The following CNBD1 variants were observed in gnomAD, a reference collection of about 807,000 sequenced individuals.
CNBD1 encodes cyclic nucleotide-binding domain-containing protein 1.
A neutral mutation model predicts 54.4 loss-of-function variants in CNBD1; 71 were observed. The observed-to-expected ratio is 1.30, with a 90% CI of 1.08 to 1.59. The LOEUF is 1.59. Ranked by LOEUF, CNBD1 falls within the 40% of genes most tolerant of loss-of-function variation. The pLI is 0.00. For missense variants in CNBD1, 659 were observed against 518.0 expected, an observed-to-expected ratio of 1.27 and a Z score of -2.64; for synonymous variants, 182 against 170.7, an observed-to-expected ratio of 1.07 and a Z score of -0.51.
At chr8:86,895,607 C>A (rs904949675) in intron 2 of CNBD1, among the ~76,000 whole-genome samples, 4 of 152,156 alleles carry the variant, frequency 2.6e-5, no homozygotes, top group Non-Finnish European at 5.9e-5. Flanking sequence ...ACCTCATCAT[C>A]ATTTGTGTTG....
rs138874555 is a variant in CNBD1 at position 87,079,763 on chromosome 8, C to T, written c.432-126230C>T. ...ATGTATTGCAAATATTTTTCCAATT[C>T]TGTGGCTTGCATTTTAATTTTTTAA... On this transcript the variant is annotated intron_variant, in intron 4 of 10. Coordinates refer to ENST00000518476, the MANE Select transcript of CNBD1 (RefSeq NM_173538.3). Among the ~76,000 whole-genome samples, 632 of 152,096 alleles carry T rather than the reference C, an allele frequency of 4.2e-3. 2 individuals are homozygous for T. The highest frequency in any genetic ancestry group is 0.014 in the African/African-American group (597 of 41,500).
At chr8:86,989,175 G>T (rs564331769) in intron 4 of CNBD1, among the ~76,000 whole-genome samples, 2 of 152,230 alleles carry the variant, frequency 1.3e-5, no homozygotes, top group South Asian at 4.1e-4. Context: ...AGGAAGCTGA[G>T]GTGAGAGGAT....
At chr8:87,155,495 A>G (rs867198685) in intron 4 of CNBD1, among the ~76,000 whole-genome samples, 4 of 152,322 alleles carry the variant, frequency 2.6e-5, no homozygotes, top group Middle Eastern at 6.8e-3. Context: ...TCATTGGAGA[A>G]GGGGATGAAT....
chr8:87,377,886 C>T (rs959373200), intron 10 of CNBD1, among the ~76,000 whole-genome samples: 1 of 151,364 alleles, frequency 6.6e-6, no homozygotes, highest in Non-Finnish European at 1.5e-5. Flanking sequence ...TTTCGATTTG[C>T]ATTTCTCTGA....
At chr8:87,414,282 A>G (rs1807800654) in intron 2 of CNBD1, among the ~76,000 whole-genome samples, 1 of 152,114 alleles carries the variant, frequency 6.6e-6, no homozygotes. Context: ...ACAAAAAACC[A>G]AACACCACAT....
chr8:87,127,584 T>C (rs1040792938), intron 4 of CNBD1, among the ~76,000 whole-genome samples: 2 of 152,146 alleles, frequency 1.3e-5, no homozygotes, highest in Non-Finnish European at 2.9e-5. Context: ...CCATGGACAA[T>C]TATGTTGTCT....
At chr8:87,185,770 C>A (rs1813462244) in intron 4 of CNBD1, among the ~76,000 whole-genome samples, 1 of 150,570 alleles carries the variant, frequency 6.6e-6, no homozygotes, top group Non-Finnish European at 1.5e-5. Flanking sequence ...TCAACAGATT[C>A]TTTTTGAAAA....
intron 2 of CNBD1, among the ~76,000 whole-genome samples, chr8:86,900,577 T>G (rs2131803564): frequency 6.6e-6 from 1 of 152,312 alleles, no homozygotes; most frequent in South Asian, 2.1e-4. Context: ...ATTAACATTT[T>G]TACTTGCCTA....
intron 6 of CNBD1, among the ~76,000 whole-genome samples, chr8:87,268,773 G>A (rs1442188937): frequency 1.3e-5 from 2 of 151,816 alleles, no homozygotes; most frequent in African/African-American, 4.8e-5. Flanking sequence ...TTTTTAATGG[G>A]GTTTTTGCAT....
intron 8 of CNBD1, among the ~76,000 whole-genome samples, chr8:87,293,952 C>T (rs989536583): frequency 6.6e-6 from 1 of 152,196 alleles, no homozygotes; most frequent in Non-Finnish European, 1.5e-5. Flanking sequence ...ATCAGTCAGA[C>T]TTTCTGTAGT....
intron 4 of CNBD1, among the ~76,000 whole-genome samples, chr8:87,039,003 G>C (rs1810006789): frequency 6.6e-6 from 1 of 152,160 alleles, no homozygotes; most frequent in African/African-American, 2.4e-5. Flanking sequence ...ACTATAGGCT[G>C]TTAGCAGAAC....
At chr8:87,040,502 C>G (rs1810044689) in intron 4 of CNBD1, among the ~76,000 whole-genome samples, 1 of 148,136 alleles carries the variant, frequency 6.8e-6, no homozygotes, top group Non-Finnish European at 1.5e-5. Context: ...TGGCTCACTA[C>G]AAGCTCCGCC....
rs1178214720 is a variant in CNBD1, at chr8:87,130,776, C to CAA, written c.432-75201_432-75200dup. Among the ~76,000 whole-genome samples, 352 of 99,390 alleles carry CAA rather than the reference C, an allele frequency of 3.5e-3. 3 individuals are homozygous for CAA. The highest frequency in any genetic ancestry group is 0.011 in the African/African-American group (328 of 28,646). The allele number at this position is 99,390 out of a possible 152,430, so 65.2% of individuals were successfully genotyped here. On this transcript the variant is annotated intron_variant, in intron 4 of 10. Transcript: ENST00000518476. ...CAGGCCACAGAACAAGATCCTGTCT[C>CAA]AAAAAAAAAAAAAAAAATTCCTGAG... is the stretch of plus-strand genomic sequence containing the variant.
At chr8:87,342,574 T>C (rs1810087285) in intron 8 of CNBD1, among the ~76,000 whole-genome samples, 1 of 152,168 alleles carries the variant, frequency 6.6e-6, no homozygotes, top group African/African-American at 2.4e-5. Flanking sequence ...TTCTTTCTGT[T>C]TTCCCTAAGT....
rs542597612 is a variant in CNBD1 at position 87,032,228 on chromosome 8, G to T, written c.431+92474G>T. Among the ~76,000 whole-genome samples the T allele has an allele frequency of 2.6e-5, 4 of 152,262 alleles. No homozygotes were observed. The South Asian group carries it at 8.3e-4, about 32-fold the overall frequency. On this transcript the variant is annotated intron_variant, in intron 4 of 10. Coordinates refer to ENST00000518476, the MANE Select transcript of CNBD1 (RefSeq NM_173538.3). Reference sequence around the variant, plus strand: ...TATATGCAATTCACCCTTGAACAATGTGGGGGGTAGGGGCGTTGACCACCT... The same window carrying T: ...TATATGCAATTCACCCTTGAACAATTTGGGGGGTAGGGGCGTTGACCACCT...
intron 6 of CNBD1, among the ~76,000 whole-genome samples, chr8:87,247,758 T>TA (rs1807836199): frequency 6.6e-6 from 1 of 152,230 alleles, no homozygotes. Context: ...CTCATAGAGT[T>TA]ACGTGAACAG....
intron 4 of CNBD1, among the ~76,000 whole-genome samples, chr8:87,148,236 C>A (rs781054940): frequency 6.6e-6 from 1 of 151,944 alleles, no homozygotes; most frequent in Non-Finnish European, 1.5e-5. Context: ...TTTTCTGTTT[C>A]CTTTTGGTTT....
rs148793635 is a variant in CNBD1, at chr8:87,351,323, CA to C, written c.1043-361del. ...TATTGTGGGTTTGTTATTAAACTAT[CA>C]GAAATTTCAAATGAGCCATGGTGGA... On this transcript the variant is annotated intron_variant, in intron 8 of 10. Transcript: ENST00000518476. Among the ~76,000 whole-genome samples the C allele has an allele frequency of 9.7e-3, 1,471 of 152,212 alleles. 20 individuals carry two copies. Among genetic ancestry groups the C allele is most frequent in the African/African-American group, 0.033 (1,352 of 41,532 alleles).
intron 2 of CNBD1, among the ~76,000 whole-genome samples, chr8:87,389,010 T>A (rs1811251959): frequency 6.6e-6 from 1 of 152,162 alleles, no homozygotes; most frequent in Non-Finnish European, 1.5e-5. Context: ...CACATGATTA[T>A]CTCAATAGAT....
Sources: allele counts gnomAD v4.1 joint callset (sites outside exome capture counted in the v4.1 genomes callset), GRCh38; gene constraint gnomAD v4.1.1; transcripts MANE v1.5; gene names NCBI Gene and HGNC (gene_info 2026-07-23, HGNC 2026-07-21).